STK39: variants seen among roughly 807,000 people sequenced by gnomAD.
STK39 encodes serine/threonine kinase 39.
STK39 carries 20 observed loss-of-function variants against 77.8 expected under a neutral mutation model. The observed-to-expected ratio is 0.26, with a 90% CI of 0.18 to 0.37. The LOEUF is 0.37. Among genes scored for constraint, STK39 ranks in the 10% least tolerant of loss-of-function variants. The pLI is 1.00. For synonymous variants in STK39, 246 were observed against 234.1 expected (o/e 1.05, Z -0.47); for missense variants, 479 against 656.5 (o/e 0.73, Z 2.95).
At chr2:168,088,189 C>CATATGTATGCA (rs1333948521) in intron 10 of STK39, among the ~76,000 whole-genome samples, 1 of 152,078 alleles carries the variant, frequency 6.6e-6, no homozygotes, top group Non-Finnish European at 1.5e-5. Context: ...TGATTTTTTT[C>CATATGTATGCA]AACATACAAA....
At chr2:168,076,381 G>C (rs1686079285) in intron 10 of STK39, among the ~76,000 whole-genome samples, 1 of 152,204 alleles carries the variant, frequency 6.6e-6, no homozygotes, top group African/African-American at 2.4e-5. Flanking sequence ...GAAAGACTAT[G>C]ATGTGAAGAA....
chr2:168,092,788 A>AT (rs1419131453), intron 10 of STK39, among the ~76,000 whole-genome samples: 2 of 152,158 alleles, frequency 1.3e-5, no homozygotes, highest in Non-Finnish European at 2.9e-5. Flanking sequence ...CCTAATCCCA[A>AT]TAAGAGTCCA....
intron 10 of STK39, among the ~76,000 whole-genome samples, chr2:168,079,606 C>G (rs148137548): frequency 6.6e-6 from 1 of 152,338 alleles, no homozygotes; most frequent in African/African-American, 2.4e-5. Context: ...ACTGGGGCAA[C>G]AGCAGCACCT....
At chr2:167,967,279 C>G (rs1339505604) in intron 16 of STK39, among the ~76,000 whole-genome samples, 1 of 152,184 alleles carries the variant, frequency 6.6e-6, no homozygotes, top group African/African-American at 2.4e-5. Flanking sequence ...GAACTAGTCC[C>G]TCCCTTCCCA....
intron 2 of STK39, among the ~76,000 whole-genome samples, chr2:168,168,557 A>T (rs1196159399): frequency 6.6e-6 from 1 of 152,222 alleles, no homozygotes; most frequent in Admixed American, 6.5e-5. Flanking sequence ...CCCAAGCAGA[A>T]CATCTCAATT....
intron 8 of STK39, among the ~76,000 whole-genome samples, chr2:168,129,972 T>A (rs955077948): frequency 6.6e-6 from 1 of 152,202 alleles, no homozygotes; most frequent in Non-Finnish European, 1.5e-5. Context: ...CATAAACTCC[T>A]GTACATTAAG....
chr2:168,057,461 G>A (rs909721638), intron 14 of STK39, among the ~76,000 whole-genome samples: 1 of 152,188 alleles, frequency 6.6e-6, no homozygotes, highest in Admixed American at 6.5e-5. Context: ...CCAAAGTGCT[G>A]CAATTATAGG....
At chr2:167,973,513 A>C (rs1214792953) in intron 16 of STK39, among the ~76,000 whole-genome samples, 1 of 152,222 alleles carries the variant, frequency 6.6e-6, no homozygotes, top group East Asian at 1.9e-4. Context: ...AGGGATGTTC[A>C]GGACAAGTCA....
At chr2:168,026,406 T>C (rs1196139607) in intron 14 of STK39, among the ~76,000 whole-genome samples, 1 of 152,228 alleles carries the variant, frequency 6.6e-6, no homozygotes, top group Admixed American at 6.5e-5. Flanking sequence ...CCTAATCCAT[T>C]TCTCTGATTC....
chr2:168,098,444 C>T (rs760944636), intron 10 of STK39, among the ~76,000 whole-genome samples: 49 of 152,202 alleles, frequency 3.2e-4, no homozygotes, highest in Non-Finnish European at 4.4e-4. Context: ...CCCACTGCCT[C>T]CCAGATGCTG....
intron 10 of STK39, among the ~76,000 whole-genome samples, chr2:168,117,586 T>G (rs1687290892): frequency 6.6e-6 from 1 of 152,104 alleles, no homozygotes; most frequent in East Asian, 1.9e-4. Context: ...ATGAACCTCC[T>G]GGGGTGCTGG....
chr2:168,080,610 A>G (rs1265937685), intron 10 of STK39, among the ~76,000 whole-genome samples: 1 of 151,948 alleles, frequency 6.6e-6, no homozygotes. Context: ...AGCCTGGGCG[A>G]CAGAGTGAGA....
intron 10 of STK39, among the ~76,000 whole-genome samples, chr2:168,102,339 G>A (rs1686851180): frequency 2.0e-5 from 3 of 151,988 alleles, no homozygotes. Context: ...TTTTATTAGT[G>A]CCATCCTAGC....
At position 168,138,706 on chromosome 2, in the gene STK39, T is replaced by TA. The variant is rs1432135456; in HGVS notation, c.841-486dup. Among the ~76,000 whole-genome samples, 10 of 152,196 alleles carry TA rather than the reference T, an allele frequency of 6.6e-5. 1 individual carries two copies. The East Asian group carries it at 1.2e-3, about 18-fold the overall frequency. ...TCCCAGGAGGTAACATGATTTCCTTTAAAAAAATGAGAAAACATACAGAAA... is the reference window on the plus strand; with the variant it reads ...TCCCAGGAGGTAACATGATTTCCTTTAAAAAAAATGAGAAAACATACAGAAA... On this transcript the variant is annotated intron_variant, in intron 7 of 17. Coordinates refer to ENST00000355999, the MANE Select transcript of STK39 (RefSeq NM_013233.3).
At chr2:168,108,558 A>G (rs1687039215) in intron 10 of STK39, among the ~76,000 whole-genome samples, 1 of 151,590 alleles carries the variant, frequency 6.6e-6, no homozygotes, top group Admixed American at 6.6e-5. Flanking sequence ...AAAATTTAAA[A>G]AAGAAAAGAA....
intron 5 of STK39, among the ~76,000 whole-genome samples, chr2:168,146,407 G>C (rs956207878): frequency 2.6e-5 from 4 of 152,192 alleles, no homozygotes; most frequent in Admixed American, 6.5e-5. Flanking sequence ...TCTTTGATCA[G>C]AGAGTAACGG....
intron 1 of STK39, among the ~76,000 whole-genome samples, chr2:168,246,042 T>C (rs907554856): frequency 3.3e-5 from 5 of 152,184 alleles, no homozygotes; most frequent in Admixed American, 2.0e-4. Context: ...CCTAGTGAAA[T>C]TTTTATATCT....
intron 10 of STK39, among the ~76,000 whole-genome samples, chr2:168,090,610 T>C (rs1208211148): frequency 6.6e-6 from 1 of 152,206 alleles, no homozygotes; most frequent in Non-Finnish European, 1.5e-5. Context: ...CAGACACTAC[T>C]AGTGCACAAC....
chr2:168,235,530 T>C (rs1051459438), intron 1 of STK39, among the ~76,000 whole-genome samples: 6 of 152,008 alleles, frequency 3.9e-5, no homozygotes, highest in African/African-American at 9.7e-5. Context: ...ATGTGCCATG[T>C]TGGTGTGCTG....
Sources: gnomAD v4.1 joint callset for allele counts (sites outside exome capture counted in the v4.1 genomes callset) on GRCh38, gnomAD v4.1.1 for gene constraint, MANE v1.5 for transcripts, NCBI Gene and HGNC (gene_info 2026-07-23, HGNC 2026-07-21) for gene names.